The following TENM2 variants were observed in gnomAD, a reference collection of about 807,000 sequenced individuals.
TENM2 encodes teneurin-2.
Under a neutral mutation model 245.2 loss-of-function variants are expected in TENM2, and 52 were observed. The ratio of observed to expected loss-of-function variants is 0.21; its 90% CI spans 0.17 to 0.27. The LOEUF (loss-of-function observed/expected upper bound fraction) is 0.27. TENM2 is among the 10% of genes least tolerant of loss of function. The pLI is 1.00. For missense variants in TENM2, 3,046 were observed against 3,666.8 expected, an observed-to-expected ratio of 0.83 and a Z score of 4.37; for synonymous variants, 1,363 against 1,438.9, an observed-to-expected ratio of 0.95 and a Z score of 1.19.
chr5:167,971,187 T>C (rs1007020832), intron 4 of TENM2, among the ~76,000 whole-genome samples: 1 of 150,302 alleles, frequency 6.7e-6, no homozygotes, highest in African/African-American at 2.5e-5. Flanking sequence ...GAGATAGAGA[T>C]GATAGAGATA....
At chr5:167,054,677 C>T in the TENM2 span, among the ~76,000 whole-genome samples, 8 of 152,172 alleles carry the variant, frequency 5.3e-5, no homozygotes, top group Non-Finnish European at 1.0e-4. Context: ...CATTGCTCCA[C>T]ATCCTAACCA....
intron 2 of TENM2, among the ~76,000 whole-genome samples, chr5:167,419,278 G>T (rs762296318): frequency 6.6e-6 from 1 of 151,844 alleles, no homozygotes; most frequent in African/African-American, 2.4e-5. Flanking sequence ...CCTGGCCAAC[G>T]TGGTGAAACC....
the TENM2 span, among the ~76,000 whole-genome samples, chr5:167,274,741 A>AT: frequency 6.6e-6 from 1 of 151,610 alleles, no homozygotes; most frequent in African/African-American, 2.4e-5. Context: ...AATTATCTAT[A>AT]TTTTTCATGG....
intron 4 of TENM2, among the ~76,000 whole-genome samples, chr5:167,979,391 T>C (rs1782666739): frequency 6.6e-6 from 1 of 152,132 alleles, no homozygotes; most frequent in Non-Finnish European, 1.5e-5. Flanking sequence ...GCTCTGTAGG[T>C]GGGCAGAGAG....
the TENM2 span, among the ~76,000 whole-genome samples, chr5:166,998,055 G>A: frequency 1.3e-5 from 2 of 152,070 alleles, no homozygotes; most frequent in African/African-American, 2.4e-5. Context: ...ATGCAGAGAA[G>A]ACTTCTTAAA....
chr5:167,951,691 C>T (rs1169705072), intron 3 of TENM2, among the ~76,000 whole-genome samples: 1 of 152,136 alleles, frequency 6.6e-6, no homozygotes, highest in African/African-American at 2.4e-5. Context: ...CTCCAGAGAC[C>T]GAGTCCTCAG....
intron 1 of TENM2, among the ~76,000 whole-genome samples, chr5:167,313,424 G>A (rs79328529): frequency 1.2e-4 from 19 of 152,200 alleles, no homozygotes; most frequent in Admixed American, 2.6e-4. Context: ...GGTGGATCAC[G>A]AGCTCAGGAG....
intron 5 of TENM2, among the ~76,000 whole-genome samples, chr5:168,012,647 C>CAA (rs796799012): frequency 2.6e-4 from 20 of 77,002 alleles, no homozygotes; most frequent in Admixed American, 1.7e-3. Flanking sequence ...GACTCTGTCT[C>CAA]AAAAAAAAAA....
At chr5:167,814,638 A>T (rs1264896077) in intron 2 of TENM2, among the ~76,000 whole-genome samples, 1 of 150,764 alleles carries the variant, frequency 6.6e-6, no homozygotes, top group Non-Finnish European at 1.5e-5. Context: ...TAAAAAAAAA[A>T]GTTTTAATAT....
At chr5:167,514,979 C>G (rs866433110) in intron 2 of TENM2, among the ~76,000 whole-genome samples, 19 of 152,236 alleles carry the variant, frequency 1.2e-4, no homozygotes, top group Middle Eastern at 3.4e-3. Context: ...CCATTGCACT[C>G]CAGCCTGGGT....
At chr5:167,393,052 G>A (rs570186930) in intron 2 of TENM2, among the ~76,000 whole-genome samples, 1 of 151,600 alleles carries the variant, frequency 6.6e-6, no homozygotes, top group African/African-American at 2.4e-5. Flanking sequence ...AACCAAGGAG[G>A]CAGAGGTTGC....
chr5:167,196,007 G>A, the TENM2 span, among the ~76,000 whole-genome samples: 1 of 151,666 alleles, frequency 6.6e-6, no homozygotes, highest in East Asian at 1.9e-4. Context: ...TTTAATACTG[G>A]GGATACATTC....
At chr5:167,406,932 A>G (rs551648353) in intron 2 of TENM2, among the ~76,000 whole-genome samples, 1 of 152,290 alleles carries the variant, frequency 6.6e-6, no homozygotes, top group African/African-American at 2.4e-5. Flanking sequence ...TCCAGATGCT[A>G]GAGTTAGTGT....
chr5:167,090,241 TAA>T, the TENM2 span, among the ~76,000 whole-genome samples: 13 of 147,692 alleles, frequency 8.8e-5, 1 homozygote, highest in African/African-American at 2.7e-4. Context: ...ACAGAATTCT[TAA>T]AAAAAAAAGA....
the TENM2 span, among the ~76,000 whole-genome samples, chr5:167,038,446 C>A: frequency 6.6e-6 from 1 of 152,266 alleles, no homozygotes; most frequent in South Asian, 2.1e-4. Context: ...AGGCTTGAAG[C>A]AGGGTTGAGG....
At chr5:167,690,844 CAT>C (rs753669320) in intron 2 of TENM2, among the ~76,000 whole-genome samples, 20 of 151,928 alleles carry the variant, frequency 1.3e-4, no homozygotes, top group South Asian at 2.1e-4. Flanking sequence ...ATCACACACA[CAT>C]ATATGTTTGT....
At chr5:167,925,793 G>A (rs1285721808) in intron 3 of TENM2, among the ~76,000 whole-genome samples, 11 of 152,198 alleles carry the variant, frequency 7.2e-5, no homozygotes, top group African/African-American at 1.7e-4. Context: ...ACAAGATCAC[G>A]TCTTTTGCAG....
At chr5:168,190,522 C>A in exon 14 of TENM2, 1 of 1,613,952 alleles carries the variant, frequency 6.2e-7, no homozygotes, top group Non-Finnish European at 8.5e-7. Flanking sequence ...CCACATCATT[C>A]CTGGAGAGAA....
At chr5:167,656,145 T>G (rs1054574470) in intron 2 of TENM2, among the ~76,000 whole-genome samples, 9 of 152,154 alleles carry the variant, frequency 5.9e-5, no homozygotes, top group African/African-American at 2.2e-4. Context: ...AAATGCCATC[T>G]TTTAACACTC....
Sources: gnomAD v4.1 joint callset for allele counts (sites outside exome capture counted in the v4.1 genomes callset) on GRCh38, gnomAD v4.1.1 for gene constraint, MANE v1.5 for transcripts, NCBI Gene and HGNC (gene_info 2026-07-23, HGNC 2026-07-21) for gene names.